The following NET1 variants were observed in gnomAD, a reference collection of about 807,000 sequenced individuals.
The protein encoded by NET1 is neuroepithelial cell-transforming gene 1 protein.
In NET1, 42 loss-of-function variants were observed where a neutral mutation model predicts 61.1. That is an observed-to-expected ratio of 0.69 (90% CI 0.54 to 0.89). NET1 has a LOEUF of 0.89. Among genes scored for constraint, NET1 ranks in the 40% least tolerant of loss-of-function variants. The pLI, the probability that NET1 is intolerant of heterozygous loss-of-function variation, is 0.00. For missense variants in NET1, 654 were observed against 747.3 expected (o/e 0.88, Z 1.46); for synonymous variants, 254 against 281.8 (o/e 0.90, Z 0.99).
At position 5,454,660 on chromosome 10, in the gene NET1, C is replaced by T. The variant is rs1461778589; in HGVS notation, c.1026+138C>T. The T allele has an allele frequency of 7.5e-5, 75 of 1,005,424 alleles. No homozygotes were observed. The highest frequency in any genetic ancestry group is 1.0e-4 in the South Asian group (6 of 58,508). 62.3% of individuals were successfully genotyped at this position (1,005,424 alleles called of 1,614,324 possible). On this transcript the variant is annotated intron_variant, in intron 9 of 11. Transcript: ENST00000355029. The surrounding 1 kb of genome is among the most constrained non-coding windows in gnomAD (Gnocchi z 8.1). Reference sequence around the variant, plus strand: ...GTTTTAAGTACCCAGTGCGTTAGTACGCTGTGCACTAAGCAATAAGGAGCT... The same window carrying T: ...GTTTTAAGTACCCAGTGCGTTAGTATGCTGTGCACTAAGCAATAAGGAGCT...
rs1421330398 is a variant in NET1 at position 5,426,278 on chromosome 10, T to C, written c.129-377T>C. On this transcript the variant is annotated intron_variant, in intron 1 of 11. Transcript: ENST00000355029. This position sits in a 1 kb window ranked among gnomAD's most constrained non-coding sequence, Gnocchi z 4.6. ...TTTAAAATACTATACGTGAATATGT[T>C]GCTAAATTTTTTGCACTTAGGAAGT... 6.6e-6 allele frequency among the ~76,000 whole-genome samples: 1 copy of C among 152,198 alleles called. No homozygotes were observed. Among genetic ancestry groups the C allele is most frequent in the African/African-American group, 2.4e-5 (1 of 41,462 alleles).
chr10:5,447,302 G>T lies in NET1; in HGVS notation c.256-4528G>T, dbSNP rs1832630303. ...GGTGTGCATTTTTCTTCCATCTGAT[G>T]AGTTCATTGTATGCCACTTTTTTCT... On this transcript the variant is annotated intron_variant, in intron 3 of 11. Coordinates refer to ENST00000355029, the MANE Select transcript of NET1 (RefSeq NM_001047160.3). The surrounding 1 kb of genome is among the most constrained non-coding windows in gnomAD (Gnocchi z 4.1). Among the ~76,000 whole-genome samples, 1 of 152,176 alleles carries T rather than the reference G, an allele frequency of 6.6e-6. No individual in the cohort carries two copies. The highest frequency in any genetic ancestry group is 2.4e-5 in the African/African-American group (1 of 41,440).
chr10:5,412,905 A>T lies in NET1; in HGVS notation c.128+85A>T. 6.7e-6 allele frequency: 2 copies of T among 298,120 alleles called. No individual in the cohort carries two copies. The highest frequency in any genetic ancestry group is 9.2e-6 in the Non-Finnish European group (2 of 216,428). The allele number at this position is 298,120 out of a possible 1,614,324, so 18.5% of individuals were successfully genotyped here. A position where few individuals can be genotyped will look rare whatever the true frequency, so the allele number is the denominator to read the frequency against. On this transcript the variant is annotated intron_variant, in intron 1 of 11. Coordinates refer to ENST00000355029, the MANE Select transcript of NET1 (RefSeq NM_001047160.3). This position sits in a 1 kb window ranked among gnomAD's most constrained non-coding sequence, Gnocchi z 6.5. The stretch of plus-strand genomic sequence containing the variant: ...ACGGGAGGTGAGTGTTGGAGAGGCA[A>T]GGGCCGGGGGGAGGGGAGGGCTGGC...
At chr10:5,430,819 T>A (rs752119752) in intron 3 of NET1, among the ~76,000 whole-genome samples, 12 of 152,014 alleles carry the variant, frequency 7.9e-5, no homozygotes, top group Admixed American at 3.9e-4. Context: ...GGTTTGGGGT[T>A]CATTTTGCCT....
chr10:5,457,702 ATGTGTGTG>A lies in NET1; in HGVS notation c.*710_*717del, dbSNP rs963407525. ...AAAGTATTTTTCTTCCTGATTAAAA[ATGTGTGTG>A]TATGTGTGTGTGTGTGTGTATATAT... On this transcript the variant is annotated 3_prime_UTR_variant, in exon 12 of 12. Transcript: ENST00000355029. The surrounding 1 kb of genome is among the most constrained non-coding windows in gnomAD (Gnocchi z 5.4). 1 of 152,012 alleles carries A rather than the reference ATGTGTGTG, an allele frequency of 6.6e-6. No individual in the cohort carries two copies. The highest frequency in any genetic ancestry group is 2.4e-5 in the African/African-American group (1 of 41,256). The allele number at this position is 152,012 out of a possible 1,614,324, so 9.4% of individuals were successfully genotyped here.
In NET1 at chr10:5,452,823, A is replaced by C; in HGVS notation, c.532-35A>C. 6.3e-7 allele frequency: 1 copy of C among 1,589,392 alleles called. No individual in the cohort carries two copies. The highest frequency in any genetic ancestry group is 1.2e-5 in the South Asian group (1 of 86,066). Reference sequence around the variant, plus strand: ...GTTGTATATAATTTTCCTTTCTCGAAGGAATGACCTCTGATGTTTGCTGGA... The same window carrying C: ...GTTGTATATAATTTTCCTTTCTCGACGGAATGACCTCTGATGTTTGCTGGA... On this transcript the variant is annotated intron_variant, in intron 5 of 11. Coordinates refer to ENST00000355029, the MANE Select transcript of NET1 (RefSeq NM_001047160.3). The surrounding 1 kb of genome is among the most constrained non-coding windows in gnomAD (Gnocchi z 4.0).
At position 5,456,498 on chromosome 10, in the gene NET1, G is replaced by T. The variant is rs946599990; in HGVS notation, c.1385-90G>T. ...TGACATAAATAAATTGCCATAAATT[G>T]ACAGTCACGTTAAGATTGTATGACC... On this transcript the variant is annotated intron_variant, in intron 11 of 11. Coordinates refer to ENST00000355029, the MANE Select transcript of NET1 (RefSeq NM_001047160.3). The surrounding 1 kb of genome is among the most constrained non-coding windows in gnomAD (Gnocchi z 7.0). The T allele has an allele frequency of 1.2e-5, 15 of 1,284,490 alleles. No homozygotes were observed. The Admixed American group carries it at 2.2e-4, about 19-fold the overall frequency. 79.6% of individuals were successfully genotyped at this position (1,284,490 alleles called of 1,614,324 possible).
rs983117648 is a variant in NET1, at chr10:5,451,356, T to C, written c.256-474T>C. Among the ~76,000 whole-genome samples, 2 of 152,200 alleles carry C rather than the reference T, an allele frequency of 1.3e-5. No individual in the cohort carries two copies. Among genetic ancestry groups the C allele is most frequent in the African/African-American group, 4.8e-5 (2 of 41,456 alleles). On this transcript the variant is annotated intron_variant, in intron 3 of 11. Coordinates refer to ENST00000355029, the MANE Select transcript of NET1 (RefSeq NM_001047160.3). The surrounding 1 kb of genome is among the most constrained non-coding windows in gnomAD (Gnocchi z 6.1). ...GTTAAGAATGAAATGATACAATGTC[T>C]GAGATTTGCTTTAAAACATTTAAGT...
In NET1 at chr10:5,455,939, A is replaced by G. The variant is rs901087530; in HGVS notation, c.1198-148A>G. Reference sequence around the variant, plus strand: ...GAACATGCTTAGCCTTGAAATTGCCATCTTTATGGATTACTAGATTTGTCA... The same window carrying G: ...GAACATGCTTAGCCTTGAAATTGCCGTCTTTATGGATTACTAGATTTGTCA... On this transcript the variant is annotated intron_variant, in intron 10 of 11. Coordinates refer to ENST00000355029, the MANE Select transcript of NET1 (RefSeq NM_001047160.3). This position sits in a 1 kb window ranked among gnomAD's most constrained non-coding sequence, Gnocchi z 6.5. The G allele has an allele frequency of 5.4e-5, 40 of 739,070 alleles. No individual in the cohort carries two copies. Among genetic ancestry groups the G allele is most frequent in the Non-Finnish European group, 6.9e-5 (33 of 479,316 alleles). 45.8% of individuals were successfully genotyped at this position (739,070 alleles called of 1,614,324 possible). A position where few individuals can be genotyped will look rare whatever the true frequency, so the allele number is the denominator to read the frequency against.
intron 1 of NET1, among the ~76,000 whole-genome samples, chr10:5,413,187 C>T (rs995793706): frequency 7.9e-5 from 12 of 152,148 alleles, no homozygotes; most frequent in Non-Finnish European, 1.5e-4. Context: ...TCCTCGCCTC[C>T]TGACTGTTTC....
chr10:5,450,440 T>A (rs537447497), intron 3 of NET1, among the ~76,000 whole-genome samples: 49 of 151,724 alleles, frequency 3.2e-4, no homozygotes, highest in Admixed American at 9.2e-4. Context: ...TTAAAAAAAA[T>A]TTTTTTTTAC....
rs920365490 is a variant in NET1 at position 5,452,658 on chromosome 10, G to A, written c.531+133G>A. 8.2e-6 allele frequency: 8 copies of A among 976,566 alleles called. No homozygotes were observed. In the African/African-American group the frequency reaches 1.2e-4, roughly 14 times the overall value. The allele number at this position is 976,566 out of a possible 1,614,324, so 60.5% of individuals were successfully genotyped here. ...TGAACAAAACCTAATGATGGATGGT[G>A]GTCAAATTAAACAACTCTAATAGGG... On this transcript the variant is annotated intron_variant, in intron 5 of 11. Coordinates refer to ENST00000355029, the MANE Select transcript of NET1 (RefSeq NM_001047160.3). The surrounding 1 kb of genome is among the most constrained non-coding windows in gnomAD (Gnocchi z 4.0).
At position 5,437,315 on chromosome 10, in the gene NET1, T is replaced by C. The variant is rs1832452829; in HGVS notation, c.255+8086T>C. Among the ~76,000 whole-genome samples the C allele has an allele frequency of 6.6e-6, 1 of 152,190 alleles. No homozygotes were observed. The highest frequency in any genetic ancestry group is 1.5e-5 in the Non-Finnish European group (1 of 68,020). ...ATGCTATAGCTTGCTTTTTTTAATT[T>C]ATGTTTTATTGGTACATATAAAGCA... On this transcript the variant is annotated intron_variant, in intron 3 of 11. Transcript: ENST00000355029. This position sits in a 1 kb window ranked among gnomAD's most constrained non-coding sequence, Gnocchi z 4.3.
Position 5,444,586 on chromosome 10 carries a change from T to G in NET1, c.256-7244T>G, listed in dbSNP as rs1009672089. ...CTGTAATTAACATTTTTTTCTTCCC[T>G]TGGCTTTTGCTTTGTTTCTTTCCTT... On this transcript the variant is annotated intron_variant, in intron 3 of 11. Coordinates refer to ENST00000355029, the MANE Select transcript of NET1 (RefSeq NM_001047160.3). This position sits in a 1 kb window ranked among gnomAD's most constrained non-coding sequence, Gnocchi z 5.3. 1.3e-5 allele frequency among the ~76,000 whole-genome samples: 2 copies of G among 152,232 alleles called. No individual in the cohort carries two copies. Among genetic ancestry groups the G allele is most frequent in the African/African-American group, 2.4e-5 (1 of 41,464 alleles).
At chr10:5,430,076 A>G (rs1264399789) in intron 3 of NET1, among the ~76,000 whole-genome samples, 1 of 152,212 alleles carries the variant, frequency 6.6e-6, no homozygotes, top group Non-Finnish European at 1.5e-5. Context: ...CAGTGTCTTC[A>G]TAGAAGAATT....
chr10:5,419,284 G>A (rs1206532921), intron 1 of NET1, among the ~76,000 whole-genome samples: 1 of 151,276 alleles, frequency 6.6e-6, no homozygotes, highest in Non-Finnish European at 1.5e-5. Flanking sequence ...TGTCTCCTGT[G>A]GACAGCATAT....
intron 1 of NET1, among the ~76,000 whole-genome samples, chr10:5,419,614 G>A (rs1832134647): frequency 6.6e-6 from 1 of 152,098 alleles, no homozygotes; most frequent in South Asian, 2.1e-4. Context: ...ATTACCGTCT[G>A]TGGTCACTGG....
chr10:5,446,920 A>AATTTTTAAT lies in NET1; in HGVS notation c.256-4902_256-4901insTATTTTTAA. 2 of 1,391,074 alleles carry AATTTTTAAT rather than the reference A, an allele frequency of 1.4e-6. No individual in the cohort carries two copies. The highest frequency in any genetic ancestry group is 2.0e-6 in the Non-Finnish European group (2 of 1,002,374). The allele number at this position is 1,391,074 out of a possible 1,614,324, so 86.2% of individuals were successfully genotyped here. On this transcript the variant is annotated intron_variant, in intron 3 of 11. Transcript: ENST00000355029. This position sits in a 1 kb window ranked among gnomAD's most constrained non-coding sequence, Gnocchi z 5.0. ...TTTTCTAACTCCACGGAGCTTTTAA[A>AATTTTTAAT]ATTTTTAACAAGGTATTAACAGTAT...
chr10:5,428,721 C>CT (rs1317752245), intron 2 of NET1, among the ~76,000 whole-genome samples: 1 of 138,534 alleles, frequency 7.2e-6, no homozygotes, highest in East Asian at 2.0e-4. Context: ...AGATAATTTT[C>CT]TTTGTTTTTT....
Sources: gnomAD v4.1 joint callset for allele counts (sites outside exome capture counted in the v4.1 genomes callset) on GRCh38, gnomAD v4.1.1 for gene constraint, Gnocchi (gnomAD v3.1) non-coding constraint, MANE v1.5 for transcripts, NCBI Gene and HGNC (gene_info 2026-07-23, HGNC 2026-07-21) for gene names.